LCNL1: variants seen among roughly 807,000 people sequenced by gnomAD.
LCNL1 encodes lipocalin like 1, also known as lipocalin-like 1 protein.
Under a neutral mutation model 7.9 loss-of-function variants are expected in LCNL1, and 11 were observed. The observed-to-expected ratio is 1.40, with a 90% CI of 0.88 to 2.32. The LOEUF is 2.32. Ranked by LOEUF, LCNL1 falls within the 30% of genes most tolerant of loss-of-function variation. The pLI, the probability that LCNL1 is intolerant of heterozygous loss-of-function variation, is 0.00. For missense variants in LCNL1, 218 were observed against 217.0 expected (o/e 1.00, Z -0.03); for synonymous variants, 90 against 92.5 (o/e 0.97, Z 0.15).
rs1030347895 is a variant in LCNL1 at position 136,985,258 on chromosome 9, C to A, written c.*247C>A. On this transcript the variant is annotated 3_prime_UTR_variant, in exon 3 of 3. Transcript: ENST00000408973. ...CGGGACAGAAGTGCCCGGGGCAGAC[C>A]CAGCCTGTCTGGGTCGGGGGAGGGC... 51 of 468,692 alleles carry A rather than the reference C, an allele frequency of 1.1e-4. No individual in the cohort carries two copies. The highest frequency in any genetic ancestry group is 1.1e-3 in the Middle Eastern group (2 of 1,774). 29.0% of individuals were successfully genotyped at this position (468,692 alleles called of 1,614,324 possible).
chr9:136,984,688 G>A lies in LCNL1; in HGVS notation c.197-25G>A, dbSNP rs1443184928. On this transcript the variant is annotated intron_variant, in intron 2 of 2. Coordinates refer to ENST00000408973, the MANE Select transcript of LCNL1 (RefSeq NM_207510.4). ...TCGGGGGGGAGGTGCCCTGGGCCTG[G>A]GGTCAGCGGCTCTCGCTCCTCCAGC... 3.3e-6 allele frequency: 5 copies of A among 1,515,850 alleles called. No individual in the cohort carries two copies. In the East Asian group the frequency reaches 9.5e-5, roughly 29 times the overall value. 93.9% of individuals were successfully genotyped at this position (1,515,850 alleles called of 1,614,324 possible).
chr9:136,983,660 T>A lies in LCNL1; in HGVS notation c.74T>A (p.Val25Glu), dbSNP rs574941584. 6 of 1,614,062 alleles carry A rather than the reference T, an allele frequency of 3.7e-6. No individual in the cohort carries two copies. The highest frequency in any genetic ancestry group is 1.7e-5 in the Admixed American group (1 of 60,026). Residue 25 changes from valine to glutamate, a missense_variant, in exon 1 of 3, where the codon GTG becomes GAG. Val to Glu is a moderately radical substitution (Grantham distance 121, BLOSUM62 -2). Transcript: ENST00000408973. Reference protein sequence around the residue: ...KDTMKMAVVLVTPLGNGDLAL... With the variant: ...KDTMKMAVVLETPLGNGDLAL... Reference sequence around the variant, plus strand: ...ACCATGAAGATGGCTGTGGTCTTAGTGACCCCCTTGGGGAATGGTGACCTG... The same window carrying A: ...ACCATGAAGATGGCTGTGGTCTTAGAGACCCCCTTGGGGAATGGTGACCTG...
At chr9:136,983,880 C>A in intron 1 of LCNL1, 172 bp downstream of exon 1, 1 of 817,732 alleles carries the variant, frequency 1.2e-6, no homozygotes, top group Non-Finnish European at 1.9e-6. Flanking sequence ...TCCAGAGGGA[C>A]CCAGGCCCTG....
In LCNL1 at chr9:136,983,596, G is replaced by T; in HGVS notation, c.10G>T (p.Val4Leu). 1 of 1,613,792 alleles carries T rather than the reference G, an allele frequency of 6.2e-7. No homozygotes were observed. The highest frequency in any genetic ancestry group is 8.5e-7 in the Non-Finnish European group (1 of 1,179,798). ...CCAGGGCACCTGGTACATGGTCGGG[G>T]TGGTGTCAGATGACCAGGACTTCCT... is the stretch of plus-strand genomic sequence containing the variant. Reference protein sequence around the residue: MVGVVSDDQDFLDS... With the variant: MVGLVSDDQDFLDS... The change falls in exon 1 of 3, where the codon GTG becomes TTG. Residue 4 changes from valine (V) to leucine (L), a missense_variant. Transcript: ENST00000408973.
At chr9:136,984,127 T>C (rs1830470675) in intron 1 of LCNL1, 1 of 409,540 alleles carries the variant, frequency 2.4e-6, no homozygotes, top group African/African-American at 2.0e-5. Flanking sequence ...TGTCTGGCTG[T>C]GTGTGTCTAT....
chr9:136,983,562 C>T lies in LCNL1; in HGVS notation c.-25C>T. The T allele has an allele frequency of 6.2e-7, 1 of 1,609,914 alleles. No individual in the cohort carries two copies. The highest frequency in any genetic ancestry group is 1.1e-5 in the South Asian group (1 of 91,034). ...GCCTCCCAGCCTTCCCTGCACTTGC[C>T]CTGCAGTTCCAGGGCACCTGGTACA... On this transcript the variant is annotated 5_prime_UTR_variant, in exon 1 of 3. Coordinates refer to ENST00000408973, the MANE Select transcript of LCNL1 (RefSeq NM_207510.4).
At position 136,983,620 on chromosome 9, in the gene LCNL1, C is replaced by G; in HGVS notation, c.34C>G (p.Leu12Val). 1 of 1,613,994 alleles carries G rather than the reference C, an allele frequency of 6.2e-7. No individual in the cohort carries two copies. The highest frequency in any genetic ancestry group is 8.5e-7 in the Non-Finnish European group (1 of 1,179,944). Residue 12 changes from leucine (L) to valine (V), a missense_variant, in exon 1 of 3, where the codon CTG becomes GTG. By Grantham distance (32) the Leu-to-Val change is conservative. Coordinates refer to ENST00000408973, the MANE Select transcript of LCNL1 (RefSeq NM_207510.4). The stretch of plus-strand genomic sequence containing the variant: ...GGTGGTGTCAGATGACCAGGACTTC[C>G]TGGACTCCAAGGACACCATGAAGAT... ...VGVVSDDQDFLDSKDTMKMAV... is the reference protein window; with the variant it reads ...VGVVSDDQDFVDSKDTMKMAV...
At position 136,984,703 on chromosome 9, in the gene LCNL1, G is replaced by A. The variant is rs769804033; in HGVS notation, c.197-10G>A. On this transcript the variant is annotated splice_polypyrimidine_tract_variant and intron_variant, in intron 2 of 2. Coordinates refer to ENST00000408973, the MANE Select transcript of LCNL1 (RefSeq NM_207510.4). Reference sequence around the variant, plus strand: ...CCTGGGCCTGGGGTCAGCGGCTCTCGCTCCTCCAGCCATGGCCCTGAGTGA... The same window carrying A: ...CCTGGGCCTGGGGTCAGCGGCTCTCACTCCTCCAGCCATGGCCCTGAGTGA... 9.9e-6 allele frequency: 15 copies of A among 1,516,438 alleles called. No homozygotes were observed. In the Middle Eastern group the frequency reaches 7.1e-4, roughly 72 times the overall value. 93.9% of individuals were successfully genotyped at this position (1,516,438 alleles called of 1,614,324 possible). A position where few individuals can be genotyped will look rare whatever the true frequency, so the allele number is the denominator to read the frequency against.
At chr9:136,984,158 C>T (rs891216590) in intron 1 of LCNL1, 14 of 422,370 alleles carry the variant, frequency 3.3e-5, no homozygotes, top group East Asian at 1.1e-4. Flanking sequence ...GTCTTGTGTG[C>T]GTGTCTATGT....
At chr9:136,983,780 A>T (rs945373665) in intron 1 of LCNL1, 72 bp downstream of exon 1, 12 of 1,590,598 alleles carry the variant, frequency 7.5e-6, no homozygotes, top group South Asian at 2.2e-5. Flanking sequence ...GAAGGTCCAG[A>T]GGGACCATGG....
Position 136,985,018 on chromosome 9 carries a change from C to G in LCNL1, c.*7C>G. 6.7e-7 allele frequency: 1 copy of G among 1,483,968 alleles called. No individual in the cohort carries two copies. The highest frequency in any genetic ancestry group is 1.4e-5 in the African/African-American group (1 of 70,334). 91.9% of individuals were successfully genotyped at this position (1,483,968 alleles called of 1,614,324 possible). A position where few individuals can be genotyped will look rare whatever the true frequency, so the allele number is the denominator to read the frequency against. ...TCCAGCCCCTTCCCTTTAGCTTACC[C>G]GCCCTCCCCACCTTCAGCTCGAGCG... is the stretch of plus-strand genomic sequence containing the variant. On this transcript the variant is annotated 3_prime_UTR_variant, in exon 3 of 3. Transcript: ENST00000408973.
chr9:136,984,857 C>T lies in LCNL1; in HGVS notation c.341C>T (p.Pro114Leu), dbSNP rs764341105. ...GRAAGRRPRHPRFGSGMSPLC... is the reference protein window; with the variant it reads ...GRAAGRRPRHLRFGSGMSPLC... ...GCTGCGGGGCGGAGACCCAGACACC[C>T]CCGCTTCGGGTCTGGGATGTCACCC... Residue 114 changes from proline (P) to leucine (L), a missense_variant, in exon 3 of 3, where the codon CCC becomes CTC. Transcript: ENST00000408973. 2.2e-5 allele frequency: 35 copies of T among 1,562,728 alleles called. No homozygotes were observed. The highest frequency in any genetic ancestry group is 2.7e-5 in the Non-Finnish European group (31 of 1,153,378).
At position 136,983,608 on chromosome 9, in the gene LCNL1, G is replaced by A; in HGVS notation, c.22G>A (p.Asp8Asn). 6.2e-7 allele frequency: 1 copy of A among 1,613,894 alleles called. No homozygotes were observed. Among genetic ancestry groups the A allele is most frequent in the Non-Finnish European group, 8.5e-7 (1 of 1,179,890 alleles). The change falls in exon 1 of 3, where the codon GAC becomes AAC. Residue 8 changes from aspartate (D) to asparagine (N), a missense_variant. Physicochemically the swap from Asp to Asn is conservative, Grantham distance 23 (BLOSUM62 1). Coordinates refer to ENST00000408973, the MANE Select transcript of LCNL1 (RefSeq NM_207510.4). ...GTACATGGTCGGGGTGGTGTCAGAT[G>A]ACCAGGACTTCCTGGACTCCAAGGA... is the stretch of plus-strand genomic sequence containing the variant. MVGVVSD[D>N]QDFLDSKDTM...
Position 136,985,542 on chromosome 9 carries a change from C to T in LCNL1, c.*531C>T, listed in dbSNP as rs2131401397. ...GACGACAGCGGGGGTGATGGGGCAC[C>T]CGGGCGGATCCGAGCCGCAGCAGCC... On this transcript the variant is annotated 3_prime_UTR_variant, in exon 3 of 3. Transcript: ENST00000408973. 6.5e-6 allele frequency: 1 copy of T among 153,148 alleles called. No homozygotes were observed. Among genetic ancestry groups the T allele is most frequent in the South Asian group, 2.1e-4 (1 of 4,840 alleles). The allele number at this position is 153,148 out of a possible 1,614,324, so 9.5% of individuals were successfully genotyped here.
In LCNL1 at chr9:136,984,855, C is replaced by A. The variant is rs1830481756; in HGVS notation, c.339C>A (p.His113Gln). 6.4e-7 allele frequency: 1 copy of A among 1,563,396 alleles called. No individual in the cohort carries two copies. Among genetic ancestry groups the A allele is most frequent in the African/African-American group, 1.4e-5 (1 of 73,932 alleles). The change falls in exon 3 of 3, where the codon CAC (histidine) becomes CAA (glutamine). Residue 113 changes from histidine (H) to glutamine (Q), a missense_variant. Coordinates refer to ENST00000408973, the MANE Select transcript of LCNL1 (RefSeq NM_207510.4). Reference protein sequence around the residue: ...GGRAAGRRPRHPRFGSGMSPL... With the variant: ...GGRAAGRRPRQPRFGSGMSPL... ...GGGCTGCGGGGCGGAGACCCAGACACCCCCGCTTCGGGTCTGGGATGTCAC... is the reference window on the plus strand; with the variant it reads ...GGGCTGCGGGGCGGAGACCCAGACAACCCCGCTTCGGGTCTGGGATGTCAC...
Position 136,983,439 on chromosome 9 carries a change from G to A in LCNL1, c.-148G>A. The stretch of plus-strand genomic sequence containing the variant: ...ACTGAGGCCCCCCTCCCTCAGTTCT[G>A]CATCGGGGTCGAGATGTGTACAGCA... On this transcript the variant is annotated 5_prime_UTR_variant, in exon 1 of 3. Coordinates refer to ENST00000408973, the MANE Select transcript of LCNL1 (RefSeq NM_207510.4). The A allele has an allele frequency of 1.1e-6, 1 of 926,710 alleles. No homozygotes were observed. Among genetic ancestry groups the A allele is most frequent in the Non-Finnish European group, 1.7e-6 (1 of 592,472 alleles). 57.4% of individuals were successfully genotyped at this position (926,710 alleles called of 1,614,324 possible).
intron 1 of LCNL1, 181 bp from the exon 2 acceptor site, chr9:136,984,309 T>A: frequency 1.8e-6 from 1 of 561,346 alleles, no homozygotes; most frequent in East Asian, 3.2e-5. Context: ...AACAGGTACT[T>A]AATACCCACC....
intron 1 of LCNL1, chr9:136,984,090 CTG>C: frequency 5.1e-6 from 2 of 391,872 alleles, no homozygotes; most frequent in Non-Finnish European, 9.3e-6. Flanking sequence ...CTGTATGCGT[CTG>C]TGTGTCTGTG....
rs751607963 is a variant in LCNL1, at chr9:136,984,994, C to T, written c.478C>T (p.Pro160Ser). 1 of 1,526,866 alleles carries T rather than the reference C, an allele frequency of 6.5e-7. No homozygotes were observed. Among genetic ancestry groups the T allele is most frequent in the South Asian group, 1.2e-5 (1 of 82,294 alleles). 94.6% of individuals were successfully genotyped at this position (1,526,866 alleles called of 1,614,324 possible). The change falls in exon 3 of 3, where the codon CCA (proline) becomes TCA (serine). Residue 160 changes from proline (P) to serine (S), a missense_variant. Pro to Ser is a moderately conservative substitution (Grantham distance 74). Transcript: ENST00000408973. ...CCCCTCTCTCCCTCTCTTCGCCCCT[C>T]CAGCCCCTTCCCTTTAGCTTACCCG... ...PCPSLPLFAP[P>S]APSL
Sources: allele counts gnomAD v4.1 joint callset, GRCh38; gene constraint gnomAD v4.1.1; transcripts MANE v1.5; gene names NCBI Gene and HGNC (gene_info 2026-07-23, HGNC 2026-07-21).